The following SUCLG2 variants were observed in gnomAD, a reference collection of about 807,000 sequenced individuals.
The protein encoded by SUCLG2 is succinate-CoA ligase GDP-forming subunit beta, also known as succinate--CoA ligase [GDP-forming] subunit beta, mitochondrial.
Under a neutral mutation model 47.9 loss-of-function variants are expected in SUCLG2, and 42 were observed. The observed-to-expected ratio is 0.88, with a 90% CI of 0.69 to 1.14. The LOEUF is 1.14. SUCLG2 is among the 50% of genes most tolerant of loss of function. The probability of loss-of-function intolerance (pLI) is 0.00; values close to 1 mark genes in which losing one functional copy is unlikely to be tolerated. For missense variants in SUCLG2, 571 were observed against 525.9 expected, an observed-to-expected ratio of 1.09 and a Z score of -0.84; for synonymous variants, 195 against 197.3, an observed-to-expected ratio of 0.99 and a Z score of 0.10.
At chr3:67,361,658 T>C (rs1264556303) in intron 10 of SUCLG2, among the ~76,000 whole-genome samples, 3 of 152,332 alleles carry the variant, frequency 2.0e-5, no homozygotes, top group Admixed American at 2.0e-4. Flanking sequence ...TATTATTAGA[T>C]AGATTGCATT....
chr3:67,620,824 G>A (rs1700724214), intron 1 of SUCLG2, among the ~76,000 whole-genome samples: 1 of 152,154 alleles, frequency 6.6e-6, no homozygotes, highest in Admixed American at 6.5e-5. Context: ...GAACAAGGGA[G>A]TATGGTGACA....
At chr3:67,494,739 T>C (rs1705287198) in intron 9 of SUCLG2, among the ~76,000 whole-genome samples, 1 of 152,210 alleles carries the variant, frequency 6.6e-6, no homozygotes, top group Admixed American at 6.5e-5. Context: ...CATTAGACTT[T>C]CAAAATATTT....
At chr3:67,637,177 C>T (rs1701025038) in intron 1 of SUCLG2, among the ~76,000 whole-genome samples, 1 of 152,094 alleles carries the variant, frequency 6.6e-6, no homozygotes, top group Admixed American at 6.5e-5. Flanking sequence ...CTTCAATATG[C>T]CCAGATGATG....
intron 1 of SUCLG2, among the ~76,000 whole-genome samples, chr3:67,653,628 T>C (rs1701326537): frequency 6.6e-6 from 1 of 152,254 alleles, no homozygotes. Flanking sequence ...TCATTAACTC[T>C]GCTGTGGCTG....
chr3:67,492,866 A>T (rs1038901624), intron 9 of SUCLG2, among the ~76,000 whole-genome samples: 1 of 152,236 alleles, frequency 6.6e-6, no homozygotes, highest in Non-Finnish European at 1.5e-5. Context: ...TAAAATTTTC[A>T]GCTCTATGAC....
intron 2 of SUCLG2, among the ~76,000 whole-genome samples, chr3:67,551,967 C>G (rs1707026040): frequency 6.6e-6 from 1 of 151,988 alleles, no homozygotes; most frequent in South Asian, 2.1e-4. Flanking sequence ...TGCTAAGAGG[C>G]CACCCACAAC....
chr3:67,551,893 C>G (rs1707024273), intron 2 of SUCLG2, among the ~76,000 whole-genome samples: 6 of 152,128 alleles, frequency 3.9e-5, no homozygotes, highest in African/African-American at 1.4e-4. Flanking sequence ...TATCACACAG[C>G]TGTCAACTCC....
chr3:67,491,593 G>A (rs1356456945), intron 9 of SUCLG2, among the ~76,000 whole-genome samples: 2 of 151,912 alleles, frequency 1.3e-5, no homozygotes, highest in South Asian at 2.1e-4. Context: ...TTGAAATCCC[G>A]ACCTTCTGCC....
At chr3:67,537,549 T>C (rs1706579158) in intron 2 of SUCLG2, among the ~76,000 whole-genome samples, 1 of 152,224 alleles carries the variant, frequency 6.6e-6, no homozygotes, top group Non-Finnish European at 1.5e-5. Context: ...TGTGTCTATA[T>C]AGTAGAATGA....
intron 1 of SUCLG2, among the ~76,000 whole-genome samples, chr3:67,613,054 C>T (rs553426549): frequency 1.3e-5 from 2 of 152,238 alleles, no homozygotes; most frequent in African/African-American, 4.8e-5. Context: ...TTGCAGATAC[C>T]GCCACATATT....
chr3:67,582,646 C>G (rs1447357113), intron 2 of SUCLG2, among the ~76,000 whole-genome samples: 1 of 152,138 alleles, frequency 6.6e-6, no homozygotes, highest in Non-Finnish European at 1.5e-5. Flanking sequence ...CATGGGATTG[C>G]TGGTTGAAAG....
chr3:67,526,244 T>G (rs1706252304), intron 4 of SUCLG2, among the ~76,000 whole-genome samples: 1 of 152,232 alleles, frequency 6.6e-6, no homozygotes, highest in Non-Finnish European at 1.5e-5. Context: ...AGGATTGTCT[T>G]GGGCCGCACA....
intron 9 of SUCLG2, 51 bp downstream of exon 9, chr3:67,495,747 C>G (rs371141072): frequency 6.2e-7 from 1 of 1,604,762 alleles, no homozygotes. Flanking sequence ...GAGCTCTTGA[C>G]GGTGAGAAAT....
intron 9 of SUCLG2, among the ~76,000 whole-genome samples, chr3:67,408,065 G>C (rs994992668): frequency 1.3e-5 from 2 of 152,082 alleles, no homozygotes; most frequent in African/African-American, 4.8e-5. Context: ...TTCAATCTTG[G>C]GCTTTGTTGT....
At chr3:67,389,823 T>C (rs1702341014) in intron 10 of SUCLG2, among the ~76,000 whole-genome samples, 1 of 152,190 alleles carries the variant, frequency 6.6e-6, no homozygotes, top group African/African-American at 2.4e-5. Context: ...GACCTGACAT[T>C]ACACTATACT....
chr3:67,625,476 T>A (rs531971990), intron 1 of SUCLG2, among the ~76,000 whole-genome samples: 67 of 152,252 alleles, frequency 4.4e-4, no homozygotes, highest in African/African-American at 1.5e-3. Context: ...ACCAGGTAGA[T>A]CCAGCCAGCA....
chr3:67,588,839 G>T (rs558602016), intron 2 of SUCLG2, among the ~76,000 whole-genome samples: 17 of 152,270 alleles, frequency 1.1e-4, no homozygotes, highest in African/African-American at 3.9e-4. Flanking sequence ...TTTAATATTG[G>T]CAAAATGATT....
intron 10 of SUCLG2, among the ~76,000 whole-genome samples, chr3:67,378,759 A>G (rs944719055): frequency 1.3e-5 from 2 of 152,216 alleles, no homozygotes; most frequent in African/African-American, 4.8e-5. Flanking sequence ...GTAAAAATGT[A>G]TTATTTCATT....
intron 2 of SUCLG2, among the ~76,000 whole-genome samples, chr3:67,541,764 G>A (rs1266995885): frequency 6.6e-6 from 1 of 152,146 alleles, no homozygotes; most frequent in African/African-American, 2.4e-5. Flanking sequence ...GGCAGCCAGA[G>A]AGAAAAGTCG....
Sources: allele counts gnomAD v4.1 joint callset (sites outside exome capture counted in the v4.1 genomes callset), GRCh38; gene constraint gnomAD v4.1.1; transcripts MANE v1.5; gene names NCBI Gene and HGNC (gene_info 2026-07-23, HGNC 2026-07-21).